D2HGDH: variants seen among roughly 807,000 people sequenced by gnomAD.
The protein encoded by D2HGDH is D-2-hydroxyglutarate dehydrogenase.
D2HGDH carries 31 observed loss-of-function variants against 46.9 expected under a neutral mutation model. The observed-to-expected ratio is 0.66, with a 90% confidence interval of 0.50 to 0.89. D2HGDH has a LOEUF of 0.89. Among genes scored for constraint, D2HGDH ranks in the 40% least tolerant of loss-of-function variants. The pLI is 0.00. For missense variants in D2HGDH, 698 were observed against 720.8 expected, an observed-to-expected ratio of 0.97 and a Z score of 0.36; for synonymous variants, 364 against 332.6, an observed-to-expected ratio of 1.09 and a Z score of -1.03.
intron 2 of D2HGDH, among the ~76,000 whole-genome samples, chr2:241,740,722 G>A (rs1031777061): frequency 1.6e-4 from 24 of 152,174 alleles, no homozygotes; most frequent in African/African-American, 4.1e-4. Flanking sequence ...CGCAGTGGGC[G>A]GATCACGAGG....
intron 3 of D2HGDH, among the ~76,000 whole-genome samples, chr2:241,741,432 G>A (rs374903714): frequency 5.3e-5 from 8 of 152,090 alleles, no homozygotes; most frequent in Non-Finnish European, 1.2e-4. Flanking sequence ...TTGGGGCAAC[G>A]TGCACTTACT....
chr2:241,750,407 G>A (rs1696964940), intron 7 of D2HGDH, 113 bp downstream of exon 7: 2 of 1,012,082 alleles, frequency 2.0e-6, no homozygotes, highest in Non-Finnish European at 2.9e-6. Context: ...GCGGGCGGGT[G>A]GGGGGTCCCT....
At chr2:241,748,647 C>T (rs900623384) in intron 6 of D2HGDH, among the ~76,000 whole-genome samples, 28 of 152,226 alleles carry the variant, frequency 1.8e-4, no homozygotes, top group African/African-American at 6.3e-4. Flanking sequence ...CCATTGCCTC[C>T]GGCACAAGCC....
chr2:241,734,985 G>C (rs1692348860), intron 1 of D2HGDH, 148 bp from the exon 2 acceptor site: 1 of 513,128 alleles, frequency 1.9e-6, no homozygotes, highest in Non-Finnish European at 3.4e-6. Context: ...GGCTTCGCGC[G>C]CTCGCGGGGT....
intron 2 of D2HGDH, among the ~76,000 whole-genome samples, chr2:241,736,630 A>G (rs1692908922): frequency 6.6e-6 from 1 of 151,240 alleles, no homozygotes; most frequent in Admixed American, 6.6e-5. Flanking sequence ...ATCGTATCTC[A>G]GTACTGTCAA....
intron 5 of D2HGDH, among the ~76,000 whole-genome samples, 180 bp from the exon 6 acceptor site, chr2:241,744,529 G>A (rs1176288154): frequency 2.6e-5 from 4 of 152,174 alleles, no homozygotes; most frequent in African/African-American, 7.2e-5. Context: ...GACCCCGGGC[G>A]TGCCCCCTGG....
chr2:241,756,340 C>T (rs896759532), intron 9 of D2HGDH, among the ~76,000 whole-genome samples: 2 of 152,230 alleles, frequency 1.3e-5, no homozygotes, highest in African/African-American at 4.8e-5. Context: ...GTCCGGGATG[C>T]GGGTCTCAGG....
intron 6 of D2HGDH, among the ~76,000 whole-genome samples, chr2:241,747,344 T>A (rs1052868709): frequency 6.6e-6 from 1 of 152,090 alleles, no homozygotes; most frequent in Non-Finnish European, 1.5e-5. Context: ...AAGAATTATT[T>A]GTAGGGGTTC....
intron 6 of D2HGDH, chr2:241,749,388 T>C: frequency 7.9e-7 from 1 of 1,271,090 alleles, no homozygotes; most frequent in South Asian, 1.3e-5. Context: ...CCTCCCTGTC[T>C]CGCCCTGAAA....
chr2:241,763,857 G>A (rs1050401164), intron 9 of D2HGDH, among the ~76,000 whole-genome samples: 16 of 151,790 alleles, frequency 1.1e-4, no homozygotes, highest in Non-Finnish European at 2.2e-4. Flanking sequence ...TGGTGAGACC[G>A]GCCCCCCACC....
intron 8 of D2HGDH, 63 bp downstream of exon 8, chr2:241,751,451 A>G (rs1697186716): frequency 2.5e-6 from 4 of 1,601,302 alleles, no homozygotes; most frequent in Admixed American, 1.7e-5. Context: ...TTGTCTTGGG[A>G]TGCCTGGAAC....
chr2:241,761,614 C>T (rs574385081), intron 9 of D2HGDH, among the ~76,000 whole-genome samples: 17 of 152,192 alleles, frequency 1.1e-4, no homozygotes, highest in Non-Finnish European at 2.1e-4. Context: ...GAGACTCGAG[C>T]ATCTCAGGAT....
rs1282501948 is a variant in D2HGDH at position 241,743,258 on chromosome 2, T to G, written c.491-364T>G. On this transcript the variant is annotated intron_variant, in intron 4 of 9. Transcript: ENST00000321264. This position sits in a 1 kb window ranked among gnomAD's most constrained non-coding sequence, Gnocchi z 4.8. The stretch of plus-strand genomic sequence containing the variant: ...TTGAGCAGCATCCTTGGCCTCCGCC[T>G]ACAAGGTGCCCATGGCACCCCCAAC... Among the ~76,000 whole-genome samples, 1 of 152,188 alleles carries G rather than the reference T, an allele frequency of 6.6e-6. No homozygotes were observed. Among genetic ancestry groups the G allele is most frequent in the Admixed American group, 6.5e-5 (1 of 15,294 alleles).
At chr2:241,758,769 A>ATGTGTGTGTGTGTGTGTGTGTGTGTG (rs558559121) in intron 9 of D2HGDH, among the ~76,000 whole-genome samples, 10 of 131,896 alleles carry the variant, frequency 7.6e-5, no homozygotes, top group African/African-American at 8.7e-5. Context: ...CCCACAATAT[A>ATGTGTGTGTGTGTGTGTGTGTGTGTG]TGTGTGTGTG....
intron 6 of D2HGDH, among the ~76,000 whole-genome samples, chr2:241,746,852 C>T (rs1255546080): frequency 6.7e-6 from 1 of 149,538 alleles, no homozygotes; most frequent in Non-Finnish European, 1.5e-5. Flanking sequence ...CATGCCACTG[C>T]ACTCCAGCCT....
At position 241,747,701 on chromosome 2, in the gene D2HGDH, C is replaced by T. The variant is rs552324102; in HGVS notation, c.854-2450C>T. ...CTCCTGCCTCCCTAGTAGCTGGGAC[C>T]AGGTGTGTACCACCATACCTGGCTA... On this transcript the variant is annotated intron_variant, in intron 6 of 9. Coordinates refer to ENST00000321264, the MANE Select transcript of D2HGDH (RefSeq NM_152783.5). Among the ~76,000 whole-genome samples, 8 of 152,008 alleles carry T rather than the reference C, an allele frequency of 5.3e-5. No individual in the cohort carries two copies. In the East Asian group the frequency reaches 5.8e-4, roughly 11 times the overall value.
At chr2:241,744,651 G>T in intron 5 of D2HGDH, 58 bp from the exon 6 acceptor site, 1 of 1,611,282 alleles carries the variant, frequency 6.2e-7, no homozygotes. Flanking sequence ...CCCCGGAGGC[G>T]ACCGACGTCT....
At chr2:241,763,653 C>G (rs142451727) in intron 9 of D2HGDH, among the ~76,000 whole-genome samples, 2 of 152,230 alleles carry the variant, frequency 1.3e-5, no homozygotes, top group Non-Finnish European at 2.9e-5. Flanking sequence ...AGTTTTTCAG[C>G]TCCATTTTAA....
intron 8 of D2HGDH, among the ~76,000 whole-genome samples, chr2:241,753,970 C>T (rs541928255): frequency 4.1e-4 from 63 of 152,288 alleles, no homozygotes; most frequent in East Asian, 7.7e-4. Context: ...CCGGGAGGGC[C>T]GGAAAGATGA....
Sources: gnomAD v4.1 joint callset for allele counts (sites outside exome capture counted in the v4.1 genomes callset) on GRCh38, gnomAD v4.1.1 for gene constraint, Gnocchi (gnomAD v3.1) non-coding constraint, MANE v1.5 for transcripts, NCBI Gene and HGNC (gene_info 2026-07-23, HGNC 2026-07-21) for gene names.